NEK11: variants seen among roughly 807,000 people sequenced by gnomAD.
NEK11 encodes the protein serine/threonine-protein kinase Nek11.
NEK11 carries 72 observed loss-of-function variants against 80.7 expected under a neutral mutation model. The ratio of observed to expected loss-of-function variants is 0.89; its 90% CI spans 0.74 to 1.08. The LOEUF is 1.08. Ranked by LOEUF, NEK11 falls within the 50% of genes least tolerant of loss-of-function variation. The pLI is 0.00. For synonymous variants in NEK11, 251 were observed against 260.7 expected, an observed-to-expected ratio of 0.96 and a Z score of 0.36; for missense variants, 764 against 763.6, an observed-to-expected ratio of 1.00 and a Z score of -0.01.
chr3:131,049,752 C>T (rs2068036766), intron 3 of NEK11, among the ~76,000 whole-genome samples: 1 of 152,024 alleles, frequency 6.6e-6, no homozygotes. Context: ...AATATATGAT[C>T]CTCCAAATTT....
At chr3:131,255,032 A>AAGAGAG (rs754846820) in intron 16 of NEK11, among the ~76,000 whole-genome samples, 39 of 130,206 alleles carry the variant, frequency 3.0e-4, no homozygotes, top group East Asian at 2.0e-3. Context: ...GAAAGAAAGA[A>AAGAGAG]AGAGAGAGAG....
intron 4 of NEK11, among the ~76,000 whole-genome samples, chr3:131,081,518 A>C (rs1170464096): frequency 6.6e-6 from 1 of 152,176 alleles, no homozygotes; most frequent in Non-Finnish European, 1.5e-5. Flanking sequence ...CTGCAGTGTG[A>C]ATCTGTGTGT....
chr3:131,075,743 C>T (rs575647454), intron 3 of NEK11, among the ~76,000 whole-genome samples: 1 of 152,268 alleles, frequency 6.6e-6, no homozygotes, highest in African/African-American at 2.4e-5. Flanking sequence ...AAAGTGTTTA[C>T]AGTTATTTGT....
intron 4 of NEK11, among the ~76,000 whole-genome samples, chr3:131,106,033 AT>A (rs1319265130): frequency 6.6e-6 from 1 of 152,176 alleles, no homozygotes. Flanking sequence ...TTAGTTACAT[AT>A]TTTAATTAGA....
intron 3 of NEK11, among the ~76,000 whole-genome samples, chr3:131,077,510 G>A (rs2074557587): frequency 1.3e-5 from 2 of 152,126 alleles, no homozygotes; most frequent in Non-Finnish European, 2.9e-5. Flanking sequence ...ACGGGGCTCA[G>A]GTATTTACAT....
chr3:131,185,525 A>C (rs1307399684), intron 14 of NEK11, among the ~76,000 whole-genome samples: 1 of 152,138 alleles, frequency 6.6e-6, no homozygotes, highest in Non-Finnish European at 1.5e-5. Flanking sequence ...GCTATTCCCT[A>C]CTGTCCCCCA....
At position 131,149,669 on chromosome 3, in the gene NEK11, A is replaced by T. The variant is rs577516989; in HGVS notation, c.648-2719A>T. On this transcript the variant is annotated intron_variant, in intron 7 of 17. Transcript: ENST00000383366. The stretch of plus-strand genomic sequence containing the variant: ...CAAATTTATTGGAAAAAACATGTTT[A>T]TAATGTCATCTTAATACTTTCTAAT... 3.3e-5 allele frequency among the ~76,000 whole-genome samples: 5 copies of T among 152,188 alleles called. No homozygotes were observed. In the East Asian group the frequency reaches 9.6e-4, roughly 29 times the overall value.
rs368285564 is a variant in NEK11, at chr3:131,303,892, G to T, written c.1718+30318G>T. On this transcript the variant is annotated intron_variant, in intron 17 of 17. Coordinates refer to ENST00000383366, the MANE Select transcript of NEK11 (RefSeq NM_024800.5). ...CTGCACTTCCTGATTTTGAATATTG[G>T]CCTCTCTAGCAAGGTGGGGAAAATT... is the stretch of plus-strand genomic sequence containing the variant. 7.9e-5 allele frequency among the ~76,000 whole-genome samples: 12 copies of T among 152,126 alleles called. No homozygotes were observed. The East Asian group carries it at 2.1e-3, about 27-fold the overall frequency.
At chr3:131,253,541 CTCT>C (rs1335384194) in intron 16 of NEK11, among the ~76,000 whole-genome samples, 3 of 152,228 alleles carry the variant, frequency 2.0e-5, no homozygotes, top group African/African-American at 7.2e-5. Context: ...ATTTCCTTTC[CTCT>C]TCTTCCTTCC....
intron 4 of NEK11, among the ~76,000 whole-genome samples, chr3:131,083,929 A>G (rs2075644286): frequency 6.6e-6 from 1 of 152,166 alleles, no homozygotes; most frequent in South Asian, 2.1e-4. Context: ...ACTACTGCCC[A>G]TCCTCCACAG....
At chr3:131,337,392 A>G (rs1420087831) in intron 17 of NEK11, among the ~76,000 whole-genome samples, 2 of 150,730 alleles carry the variant, frequency 1.3e-5, no homozygotes, top group Admixed American at 6.6e-5. Context: ...GCATGTTCTC[A>G]CTCATAGGTG....
chr3:131,309,983 T>C (rs79525419), intron 17 of NEK11, among the ~76,000 whole-genome samples: 1 of 75,560 alleles, frequency 1.3e-5, no homozygotes, highest in Non-Finnish European at 2.3e-5. Flanking sequence ...AATGAGACCA[T>C]GTTTAAAAAA....
In NEK11 at chr3:131,349,870, C is replaced by G. The variant is rs2097427922; in HGVS notation, c.*94C>G. 2.2e-6 allele frequency: 2 copies of G among 922,206 alleles called. No individual in the cohort carries two copies. The highest frequency in any genetic ancestry group is 2.5e-5 in the East Asian group (1 of 39,306). The allele number at this position is 922,206 out of a possible 1,614,324, so 57.1% of individuals were successfully genotyped here. A position where few individuals can be genotyped will look rare whatever the true frequency, so the allele number is the denominator to read the frequency against. ...TGAACTCTATTATGGGGAATGGATA[C>G]AAAAGCAGAGCTCCCATCTTGACTT... On this transcript the variant is annotated 3_prime_UTR_variant, in exon 18 of 18. Transcript: ENST00000383366.
chr3:131,037,049 A>G (rs2065755082), intron 3 of NEK11, among the ~76,000 whole-genome samples: 1 of 152,220 alleles, frequency 6.6e-6, no homozygotes, highest in Non-Finnish European at 1.5e-5. Flanking sequence ...CTTGTTGGAT[A>G]TCTAGATTCT....
At position 131,348,562 on chromosome 3, in the gene NEK11, T is replaced by C. The variant is rs144682852; in HGVS notation, c.1719-995T>C. On this transcript the variant is annotated intron_variant, in intron 17 of 17. Coordinates refer to ENST00000383366, the MANE Select transcript of NEK11 (RefSeq NM_024800.5). ...AACATTTAAAAATAATAAAGGAAGA[T>C]AAAACATGGTATTGAAAAACAAAAC... Among the ~76,000 whole-genome samples the C allele has an allele frequency of 1.4e-4, 21 of 151,828 alleles. No individual in the cohort carries two copies. In the East Asian group the frequency reaches 4.1e-3, roughly 29 times the overall value.
chr3:131,189,444 T>A (rs915221384), intron 14 of NEK11, among the ~76,000 whole-genome samples: 3 of 152,178 alleles, frequency 2.0e-5, no homozygotes, highest in African/African-American at 7.2e-5. Context: ...AAGGGCCTAT[T>A]TTCTGGTTCA....
intron 5 of NEK11, among the ~76,000 whole-genome samples, chr3:131,123,192 A>T (rs1476042639): frequency 1.3e-5 from 2 of 152,012 alleles, no homozygotes; most frequent in African/African-American, 4.8e-5. Flanking sequence ...CCTGAGACGG[A>T]GTCTTGCTCT....
chr3:131,171,015 C>G, intron 14 of NEK11, 128 bp downstream of exon 14: 3 of 758,360 alleles, frequency 4.0e-6, no homozygotes, highest in Non-Finnish European at 7.2e-6. Flanking sequence ...TATCAGTTTA[C>G]CAGGGCTGGG....
Position 131,162,406 on chromosome 3 carries a change from A to G in NEK11, c.963-2A>G. ...TATGAGGGGAATCTTTGTTATTTAT[A>G]GGCAAAAAAGGATCCACCTGCAGAC... On this transcript the variant is annotated splice_acceptor_variant, in intron 10 of 17. Transcript: ENST00000383366. LOFTEE classifies it high-confidence loss of function. 2.5e-6 allele frequency: 4 copies of G among 1,611,532 alleles called. No homozygotes were observed. Among genetic ancestry groups the G allele is most frequent in the Non-Finnish European group, 3.4e-6 (4 of 1,179,332 alleles).
Sources: gnomAD v4.1 joint callset for allele counts (sites outside exome capture counted in the v4.1 genomes callset) on GRCh38, gnomAD v4.1.1 for gene constraint, MANE v1.5 for transcripts, NCBI Gene and HGNC (gene_info 2026-07-23, HGNC 2026-07-21) for gene names.